The following PITPNC1 variants were observed in gnomAD, a reference collection of about 807,000 sequenced individuals.
PITPNC1 encodes the protein cytoplasmic phosphatidylinositol transfer protein 1.
In PITPNC1, 18 loss-of-function variants were observed where a neutral mutation model predicts 44.7. The ratio of observed to expected loss-of-function variants is 0.40; its 90% CI spans 0.28 to 0.60. PITPNC1 has a LOEUF of 0.60. Among genes scored for constraint, PITPNC1 ranks in the 20% least tolerant of loss-of-function variants. PITPNC1 has a pLI of 0.39. For synonymous variants in PITPNC1, 141 were observed against 149.6 expected, an observed-to-expected ratio of 0.94 and a Z score of 0.42; for missense variants, 290 against 418.4, an observed-to-expected ratio of 0.69 and a Z score of 2.68.
At chr17:67,483,863 C>T (rs890558412) in intron 1 of PITPNC1, among the ~76,000 whole-genome samples, 5 of 151,934 alleles carry the variant, frequency 3.3e-5, no homozygotes, top group Middle Eastern at 3.4e-3. Context: ...GCAGCCAGCA[C>T]TGTTGGTTGT....
intron 6 of PITPNC1, among the ~76,000 whole-genome samples, chr17:67,655,558 CAAAAAAAA>C (rs796111267): frequency 7.1e-5 from 3 of 42,076 alleles, no homozygotes; most frequent in East Asian, 7.1e-4. Flanking sequence ...AGACTCATCT[CAAAAAAAA>C]AAAAAAAAAA....
At position 67,626,129 on chromosome 17, in the gene PITPNC1, G is replaced by C. The variant is rs142681815; in HGVS notation, c.367-6014G>C. On this transcript the variant is annotated intron_variant, in intron 5 of 8. Transcript: ENST00000581322. ...GCCTCCTGAGTAGCTGGGACAACAG[G>C]TGCACATCACCACGCCCAACTAATT... Among the ~76,000 whole-genome samples the C allele has an allele frequency of 2.6e-4, 40 of 151,980 alleles. No individual in the cohort carries two copies. In the East Asian group the frequency reaches 7.2e-3, roughly 27 times the overall value.
At chr17:67,540,298 T>C (rs1334873669) in intron 2 of PITPNC1, among the ~76,000 whole-genome samples, 1 of 151,986 alleles carries the variant, frequency 6.6e-6, no homozygotes, top group Non-Finnish European at 1.5e-5. Flanking sequence ...AGAGACGGTG[T>C]TTCACCATGT....
intron 1 of PITPNC1, among the ~76,000 whole-genome samples, chr17:67,472,722 C>G (rs2039560748): frequency 6.6e-6 from 1 of 151,820 alleles, no homozygotes; most frequent in African/African-American, 2.4e-5. Flanking sequence ...TGTGTTGGGC[C>G]ACATTCAAAG....
chr17:67,585,006 C>G (rs1176411199), intron 5 of PITPNC1, among the ~76,000 whole-genome samples: 1 of 151,760 alleles, frequency 6.6e-6, no homozygotes, highest in Admixed American at 6.6e-5. Context: ...ATTCCAGGTA[C>G]TCAGCAGGCT....
intron 6 of PITPNC1, 38 bp from the exon 7 acceptor site, chr17:67,669,470 T>G: frequency 7.1e-7 from 1 of 1,402,038 alleles, no homozygotes; most frequent in Non-Finnish European, 9.7e-7. Flanking sequence ...ATGGTCAAAC[T>G]TTTAATATAT....
At chr17:67,548,048 C>A (rs2040708838) in intron 2 of PITPNC1, among the ~76,000 whole-genome samples, 1 of 152,148 alleles carries the variant, frequency 6.6e-6, no homozygotes, top group South Asian at 2.1e-4. Flanking sequence ...CACTGCCCAC[C>A]CCACCTCGCC....
chr17:67,414,327 T>C (rs1051603438), intron 1 of PITPNC1, among the ~76,000 whole-genome samples: 2 of 152,144 alleles, frequency 1.3e-5, no homozygotes, highest in Admixed American at 1.3e-4. Flanking sequence ...CATCAACCAA[T>C]TGTGGTATAT....
intron 2 of PITPNC1, among the ~76,000 whole-genome samples, chr17:67,543,395 G>A (rs754268): frequency 0.029 from 4,469 of 152,296 alleles, 93 homozygotes; most frequent in Middle Eastern, 0.058. Context: ...CTGCTAAACC[G>A]TTTTCCAAAG....
intron 1 of PITPNC1, among the ~76,000 whole-genome samples, chr17:67,472,968 C>T (rs147862627): frequency 0.043 from 6,406 of 150,464 alleles, 458 homozygotes; most frequent in African/African-American, 0.15. Flanking sequence ...CTCTGCCTCT[C>T]AGGTTCATGC....
At chr17:67,421,200 C>A in intron 1 of PITPNC1, among the ~76,000 whole-genome samples, 1 of 152,164 alleles carries the variant, frequency 6.6e-6, no homozygotes, top group East Asian at 1.9e-4. Flanking sequence ...CTGTTGGAGT[C>A]ATTCACACAT....
chr17:67,410,297 T>C (rs1040035268), intron 1 of PITPNC1, among the ~76,000 whole-genome samples: 1 of 152,238 alleles, frequency 6.6e-6, no homozygotes. Context: ...TTATTTTATT[T>C]TTTCACAGTG....
chr17:67,608,259 A>AAC (rs1555672926), intron 5 of PITPNC1, among the ~76,000 whole-genome samples: 12 of 134,560 alleles, frequency 8.9e-5, no homozygotes, highest in African/African-American at 3.1e-4. Flanking sequence ...AAAAAAAACA[A>AAC]AAAAAAAAAA....
intron 4 of PITPNC1, among the ~76,000 whole-genome samples, chr17:67,567,223 C>T (rs888270515): frequency 2.0e-5 from 3 of 152,200 alleles, no homozygotes; most frequent in African/African-American, 4.8e-5. Flanking sequence ...CGGTGGCTCA[C>T]GCCTGTAATC....
intron 1 of PITPNC1, among the ~76,000 whole-genome samples, chr17:67,487,031 T>TA (rs200197195): frequency 1.0e-3 from 146 of 146,408 alleles, no homozygotes; most frequent in Middle Eastern, 3.5e-3. Flanking sequence ...AGACTCTGTC[T>TA]AAAAAAAAAA....
intron 1 of PITPNC1, among the ~76,000 whole-genome samples, chr17:67,522,657 A>ACCTTT (rs2040339883): frequency 1.7e-5 from 1 of 59,972 alleles, no homozygotes; most frequent in Admixed American, 2.0e-4. Flanking sequence ...TACCATTTTA[A>ACCTTT]TCTTTTTTTT....
At chr17:67,407,754 A>G (rs2038421946) in intron 1 of PITPNC1, among the ~76,000 whole-genome samples, 1 of 151,898 alleles carries the variant, frequency 6.6e-6, no homozygotes, top group Non-Finnish European at 1.5e-5. Flanking sequence ...AGATCACGCC[A>G]TTGCACTCCA....
intron 2 of PITPNC1, among the ~76,000 whole-genome samples, chr17:67,534,290 C>T (rs1407526716): frequency 1.3e-5 from 2 of 152,178 alleles, no homozygotes; most frequent in Non-Finnish European, 1.5e-5. Flanking sequence ...CCATTTCTTC[C>T]TTTCAGTTCC....
At chr17:67,414,963 C>A (rs548901937) in intron 1 of PITPNC1, among the ~76,000 whole-genome samples, 5 of 152,208 alleles carry the variant, frequency 3.3e-5, no homozygotes, top group Admixed American at 3.3e-4. Flanking sequence ...TCACTGCAAC[C>A]TCTGCCTCCT....
Sources: gnomAD v4.1 joint callset for allele counts (sites outside exome capture counted in the v4.1 genomes callset) on GRCh38, gnomAD v4.1.1 for gene constraint, MANE v1.5 for transcripts, NCBI Gene and HGNC (gene_info 2026-07-23, HGNC 2026-07-21) for gene names.